The following BMPER variants were observed in gnomAD, a reference collection of about 807,000 sequenced individuals.
BMPER encodes BMP-binding endothelial regulator protein.
A neutral mutation model predicts 87.3 loss-of-function variants in BMPER; 45 were observed. The observed-to-expected ratio is 0.52, with a 90% confidence interval of 0.41 to 0.66. The LOEUF is 0.66. Among genes scored for constraint, BMPER ranks in the 30% least tolerant of loss-of-function variants. The pLI is 0.00. For synonymous variants in BMPER, 326 were observed against 316.2 expected (o/e 1.03, Z -0.33); for missense variants, 784 against 867.5 (o/e 0.90, Z 1.21).
chr7:33,952,457 A>C (rs1785048570), intron 3 of BMPER, among the ~76,000 whole-genome samples: 1 of 152,182 alleles, frequency 6.6e-6, no homozygotes, highest in Non-Finnish European at 1.5e-5. Context: ...GAGGGCCATA[A>C]AGCTGAGAGA....
intron 6 of BMPER, among the ~76,000 whole-genome samples, chr7:34,032,927 A>C (rs1310989512): frequency 6.6e-6 from 1 of 152,194 alleles, no homozygotes; most frequent in Non-Finnish European, 1.5e-5. Context: ...AGAGGGAACA[A>C]GAATTAATCC....
intron 13 of BMPER, among the ~76,000 whole-genome samples, chr7:34,104,899 G>A (rs78937155): frequency 0.03 from 4,586 of 152,242 alleles, 217 homozygotes; most frequent in African/African-American, 0.1. Context: ...AAGGGAAAGT[G>A]GAAGAAATGA....
chr7:34,019,949 G>T (rs1585743375), intron 6 of BMPER, among the ~76,000 whole-genome samples: 3 of 138,106 alleles, frequency 2.2e-5, no homozygotes, highest in Non-Finnish European at 3.1e-5. Flanking sequence ...TTTTTAGAAG[G>T]TTTTTTTTTT....
chr7:34,111,991 A>G (rs1789978176), intron 13 of BMPER, among the ~76,000 whole-genome samples: 1 of 152,200 alleles, frequency 6.6e-6, no homozygotes, highest in Non-Finnish European at 1.5e-5. Context: ...GAATTAAAAA[A>G]AATCTTGTAT....
chr7:33,947,953 G>A (rs1259712745), intron 3 of BMPER, among the ~76,000 whole-genome samples: 2 of 152,046 alleles, frequency 1.3e-5, no homozygotes, highest in South Asian at 2.1e-4. Flanking sequence ...TGAAAATAAC[G>A]ACACTTTCTG....
intron 6 of BMPER, among the ~76,000 whole-genome samples, chr7:33,982,007 C>G (rs1210753545): frequency 1.3e-5 from 2 of 152,160 alleles, no homozygotes; most frequent in Non-Finnish European, 1.5e-5. Flanking sequence ...GAGGAGAATC[C>G]ACTATCCTCA....
In BMPER at chr7:34,079,102, G is replaced by A. The variant is rs561435813; in HGVS notation, c.1324G>A (p.Gly442Ser). Residue 442 changes from glycine to serine, a missense_variant, in exon 12 of 15, where the codon GGC becomes AGC. Gly to Ser is a moderately conservative substitution (Grantham distance 56). Transcript: ENST00000649409. The stretch of plus-strand genomic sequence containing the variant: ...GCAGCACCTCACCGTGCGCTGGAAC[G>A]GCTCGCGCATCGCGCTCCCCTGCCG... ...LQQHLTVRWN[G>S]SRIALPCRAP... 4 of 1,613,784 alleles carry A rather than the reference G, an allele frequency of 2.5e-6. No homozygotes were observed. Among genetic ancestry groups the A allele is most frequent in the African/African-American group, 1.3e-5 (1 of 75,066 alleles).
chr7:33,996,803 A>G (rs1010558606), intron 6 of BMPER, among the ~76,000 whole-genome samples: 1 of 152,236 alleles, frequency 6.6e-6, no homozygotes, highest in Non-Finnish European at 1.5e-5. Context: ...TATATCCAAA[A>G]TATTATTGTT....
intron 6 of BMPER, among the ~76,000 whole-genome samples, chr7:34,019,051 C>G (rs925252053): frequency 6.6e-6 from 1 of 151,954 alleles, no homozygotes; most frequent in Non-Finnish European, 1.5e-5. Context: ...AGTAACCCCA[C>G]AGATGGATGA....
At chr7:34,095,577 G>T (rs905893919) in intron 13 of BMPER, among the ~76,000 whole-genome samples, 11 of 152,164 alleles carry the variant, frequency 7.2e-5, no homozygotes, top group African/African-American at 2.7e-4. Flanking sequence ...GTATGCAAAT[G>T]AAATATTGAA....
intron 6 of BMPER, among the ~76,000 whole-genome samples, chr7:33,996,232 A>T (rs979912937): frequency 1.3e-5 from 2 of 151,884 alleles, no homozygotes; most frequent in Non-Finnish European, 2.9e-5. Context: ...TTTTTTTTTT[A>T]AATAAAAGAA....
intron 14 of BMPER, among the ~76,000 whole-genome samples, chr7:34,145,453 A>G (rs1366298146): frequency 2.0e-5 from 3 of 152,180 alleles, no homozygotes; most frequent in Non-Finnish European, 4.4e-5. Context: ...GATAAAAATA[A>G]TTCACTTAAG....
At chr7:34,046,439 A>T (rs1247405250) in intron 7 of BMPER, 34 bp downstream of exon 7, 3 of 1,588,444 alleles carry the variant, frequency 1.9e-6, no homozygotes. Flanking sequence ...AGAACAATGT[A>T]ATTTCTTCTC....
intron 6 of BMPER, among the ~76,000 whole-genome samples, chr7:34,043,985 G>A (rs1213074115): frequency 1.3e-5 from 2 of 152,208 alleles, no homozygotes; most frequent in African/African-American, 4.8e-5. Flanking sequence ...TGAAATCTTA[G>A]AAGCAGGTTG....
intron 3 of BMPER, among the ~76,000 whole-genome samples, chr7:33,949,339 C>T (rs1784964917): frequency 6.6e-6 from 1 of 152,198 alleles, no homozygotes. Context: ...TTCCCTCCCA[C>T]TCTTAACCCC....
intron 6 of BMPER, among the ~76,000 whole-genome samples, chr7:34,022,739 G>A (rs1787230227): frequency 6.6e-6 from 1 of 151,002 alleles, no homozygotes; most frequent in African/African-American, 2.4e-5. Flanking sequence ...GAGGAGAAGA[G>A]GCAGAAAAGT....
At chr7:33,985,776 T>C (rs1206825683) in intron 6 of BMPER, among the ~76,000 whole-genome samples, 2 of 152,154 alleles carry the variant, frequency 1.3e-5, no homozygotes, top group Non-Finnish European at 1.5e-5. Context: ...CTAATGTTTC[T>C]ATTGGGTAGT....
chr7:33,963,895 A>G (rs1051365657), intron 3 of BMPER, among the ~76,000 whole-genome samples: 5 of 152,198 alleles, frequency 3.3e-5, no homozygotes, highest in African/African-American at 1.2e-4. Context: ...TTTTGTGTGC[A>G]TCTCTTTCTA....
chr7:34,125,632 T>G lies in BMPER; in HGVS notation c.1746-17598T>G, dbSNP rs556329181. 3.9e-5 allele frequency among the ~76,000 whole-genome samples: 6 copies of G among 152,318 alleles called. 1 individual carries two copies. In the South Asian group the frequency reaches 1.2e-3, roughly 32 times the overall value. On this transcript the variant is annotated intron_variant, in intron 13 of 14. Coordinates refer to ENST00000649409, the MANE Select transcript of BMPER (RefSeq NM_001365308.1). ...ATTTACTTTACCTTACTGCAGTGCT[T>G]CCTAAGGATACTGTAAATTGCTCCC...
Sources: allele counts gnomAD v4.1 joint callset (sites outside exome capture counted in the v4.1 genomes callset), GRCh38; gene constraint gnomAD v4.1.1; transcripts MANE v1.5; gene names NCBI Gene and HGNC (gene_info 2026-07-23, HGNC 2026-07-21).